CSMD1: variants seen among roughly 807,000 people sequenced by gnomAD.
The protein encoded by CSMD1 is CUB and sushi domain-containing protein 1.
In CSMD1, 213 loss-of-function variants were observed where a neutral mutation model predicts 417.5. The observed-to-expected ratio is 0.51, with a 90% CI of 0.46 to 0.57. The LOEUF (loss-of-function observed/expected upper bound fraction) is 0.57. Ranked by LOEUF, CSMD1 falls within the 20% of genes least tolerant of loss-of-function variation. The pLI is 0.00. For synonymous variants in CSMD1, 2,862 were observed against 1,736.8 expected, an observed-to-expected ratio of 1.65 and a Z score of -16.11; for missense variants, 6,923 against 4,529.7, an observed-to-expected ratio of 1.53 and a Z score of -15.17.
chr8:3,032,892 T>A (rs1183128367), intron 50 of CSMD1, among the ~76,000 whole-genome samples: 1 of 152,052 alleles, frequency 6.6e-6, no homozygotes, highest in African/African-American at 2.4e-5. Context: ...AAATTTAAAA[T>A]TTTCCTCATA....
chr8:4,610,172 C>T (rs1276580313), intron 2 of CSMD1, among the ~76,000 whole-genome samples: 1 of 152,066 alleles, frequency 6.6e-6, no homozygotes, highest in East Asian at 1.9e-4. Flanking sequence ...CTGCTTTCTT[C>T]TACTTCATTT....
chr8:3,813,028 C>T (rs1164961862), intron 5 of CSMD1, among the ~76,000 whole-genome samples: 2 of 150,472 alleles, frequency 1.3e-5, no homozygotes, highest in Non-Finnish European at 2.9e-5. Context: ...TATATTGTGA[C>T]AGCATTTAAA....
chr8:4,217,349 C>T (rs551749442), intron 3 of CSMD1, among the ~76,000 whole-genome samples: 1 of 152,178 alleles, frequency 6.6e-6, no homozygotes, highest in African/African-American at 2.4e-5. Flanking sequence ...CTCTAACAAT[C>T]AACTATATTT....
At chr8:4,106,162 G>C (rs1264732453) in intron 3 of CSMD1, among the ~76,000 whole-genome samples, 1 of 152,176 alleles carries the variant, frequency 6.6e-6, no homozygotes, top group African/African-American at 2.4e-5. Context: ...GGTGAGTACA[G>C]ACCAGCGTCT....
intron 6 of CSMD1, among the ~76,000 whole-genome samples, chr8:3,749,204 T>A (rs1448617466): frequency 6.6e-6 from 1 of 152,210 alleles, no homozygotes; most frequent in African/African-American, 2.4e-5. Flanking sequence ...GGAGGCAACA[T>A]ATAAAGAATG....
At chr8:3,675,293 G>T (rs534803747) in intron 7 of CSMD1, among the ~76,000 whole-genome samples, 18 of 152,138 alleles carry the variant, frequency 1.2e-4, no homozygotes, top group Non-Finnish European at 2.2e-4. Context: ...TGGAGGGTTG[G>T]CAGCACTATG....
At chr8:3,818,388 G>A (rs1163529534) in intron 5 of CSMD1, among the ~76,000 whole-genome samples, 1 of 152,180 alleles carries the variant, frequency 6.6e-6, no homozygotes, top group Non-Finnish European at 1.5e-5. Flanking sequence ...ACTCTTGGAG[G>A]GAAATCTGAG....
intron 11 of CSMD1, among the ~76,000 whole-genome samples, chr8:3,478,190 A>G (rs1295419637): frequency 2.0e-5 from 3 of 152,230 alleles, no homozygotes; most frequent in Non-Finnish European, 4.4e-5. Flanking sequence ...GATGTGACTT[A>G]ACATCAATCA....
chr8:3,863,360 C>G (rs947356963), intron 5 of CSMD1, among the ~76,000 whole-genome samples: 5 of 147,902 alleles, frequency 3.4e-5, no homozygotes, highest in African/African-American at 1.3e-4. Context: ...CGTGCCACTG[C>G]ACTCTAGCCT....
chr8:4,917,993 T>TA (rs1262819225), intron 1 of CSMD1, among the ~76,000 whole-genome samples: 9 of 152,186 alleles, frequency 5.9e-5, no homozygotes, highest in Admixed American at 5.2e-4. Flanking sequence ...CTGTCTGTGA[T>TA]AACAAAGCTG....
intron 2 of CSMD1, among the ~76,000 whole-genome samples, chr8:4,558,804 G>A (rs929089539): frequency 6.6e-6 from 1 of 152,172 alleles, no homozygotes; most frequent in South Asian, 2.1e-4. Context: ...GGAGGTGGAC[G>A]TTGCAGTGAA....
chr8:3,289,124 G>C (rs1174541577), intron 25 of CSMD1, among the ~76,000 whole-genome samples: 1 of 147,270 alleles, frequency 6.8e-6, no homozygotes, highest in Non-Finnish European at 1.5e-5. Flanking sequence ...ATGGTTTCCA[G>C]CTTCATCCAT....
chr8:4,027,856 T>G (rs10107372), intron 4 of CSMD1, among the ~76,000 whole-genome samples: 88,329 of 152,048 alleles, frequency 0.58, 25,878 homozygotes, highest in Admixed American at 0.68. Flanking sequence ...CTATTAAAAA[T>G]TAAATAAATA....
At chr8:4,456,618 A>G (rs1381042378) in intron 2 of CSMD1, among the ~76,000 whole-genome samples, 1 of 152,108 alleles carries the variant, frequency 6.6e-6, no homozygotes, top group Non-Finnish European at 1.5e-5. Context: ...TAGAGGCAAT[A>G]TTAAACATAT....
chr8:4,637,125 A>C (rs1230151288), intron 2 of CSMD1, among the ~76,000 whole-genome samples: 2 of 152,194 alleles, frequency 1.3e-5, no homozygotes, highest in South Asian at 2.1e-4. Flanking sequence ...TTAGCAATAA[A>C]CCTTGCTACC....
intron 3 of CSMD1, among the ~76,000 whole-genome samples, chr8:4,112,596 C>G (rs986198771): frequency 6.6e-6 from 1 of 152,072 alleles, no homozygotes; most frequent in Non-Finnish European, 1.5e-5. Context: ...ACAGTCTGTG[C>G]GTGTATGAGG....
chr8:4,532,332 C>T (rs766023678), intron 2 of CSMD1, among the ~76,000 whole-genome samples: 4 of 150,446 alleles, frequency 2.7e-5, no homozygotes, highest in Non-Finnish European at 4.4e-5. Flanking sequence ...CACCTCCATT[C>T]AGTCACTCTG....
chr8:4,761,397 T>C (rs200278170), intron 1 of CSMD1, among the ~76,000 whole-genome samples: 18 of 151,920 alleles, frequency 1.2e-4, no homozygotes, highest in Non-Finnish European at 2.2e-4. Flanking sequence ...TATATATATA[T>C]ACACACATAT....
chr8:3,190,203 G>C, intron 33 of CSMD1, 88 bp from the exon 34 acceptor site: 1 of 985,196 alleles, frequency 1.0e-6, no homozygotes, highest in Non-Finnish European at 1.5e-6. Context: ...ATGGGACCAA[G>C]GAGAGCTGAT....
Sources: gnomAD v4.1 joint callset for allele counts (sites outside exome capture counted in the v4.1 genomes callset) on GRCh38, gnomAD v4.1.1 for gene constraint, MANE v1.5 for transcripts, NCBI Gene and HGNC (gene_info 2026-07-23, HGNC 2026-07-21) for gene names.